COL11A2: variants seen among roughly 807,000 people sequenced by gnomAD.
The protein encoded by COL11A2 is collagen alpha-2(XI) chain.
COL11A2 carries 116 observed loss-of-function variants against 273.4 expected under a neutral mutation model. The ratio of observed to expected loss-of-function variants is 0.42; its 90% CI spans 0.36 to 0.49. COL11A2 has a LOEUF of 0.49. Among genes scored for constraint, COL11A2 ranks in the 20% least tolerant of loss-of-function variants. The probability of loss-of-function intolerance (pLI) is 0.00; values close to 1 mark genes in which losing one functional copy is unlikely to be tolerated. For missense variants in COL11A2, 1,866 were observed against 2,309.0 expected (o/e 0.81, Z 3.93); for synonymous variants, 782 against 864.2 (o/e 0.90, Z 1.67).
At position 33,164,345 on chromosome 6, in the gene COL11A2, C is replaced by T; in HGVS notation, c.4992G>A (p.Leu1664=). The T allele has an allele frequency of 6.2e-7, 1 of 1,612,900 alleles. No individual in the cohort carries two copies. The highest frequency in any genetic ancestry group is 1.1e-5 in the South Asian group (1 of 91,054). The part of the protein sequence containing the change: ...PCSGAARDGP[L]RLRGANEDEL... ...CATCCTCATTGGCCCCACGGAGTCTCAGGGGACCGTCACGGGCTGCTCCAG... is the reference window on the plus strand; with the variant it reads ...CATCCTCATTGGCCCCACGGAGTCTTAGGGGACCGTCACGGGCTGCTCCAG... Residue 1664 remains leucine (L), a synonymous_variant, in exon 65 of 66, where the codon CTG becomes CTA. Transcript: ENST00000341947. This position sits in a 1 kb window ranked among gnomAD's most constrained non-coding sequence, Gnocchi z 4.7.
chr6:33,178,474 G>T lies in COL11A2; in HGVS notation c.1734C>A (p.Ala578=). 1 of 1,612,942 alleles carries T rather than the reference G, an allele frequency of 6.2e-7. No individual in the cohort carries two copies. The highest frequency in any genetic ancestry group is 1.1e-5 in the South Asian group (1 of 91,078). Reference sequence around the variant, plus strand: ...CACCAGGGGGACCAGGAAGGCCCTGGGCACCAGTATCACCCTGCAAAATGG... The same window carrying T: ...CACCAGGGGGACCAGGAAGGCCCTGTGCACCAGTATCACCCTGCAAAATGG... ...GEKGHRGDTG[A]QGLPGPPGED... Residue 578 remains alanine (A), a synonymous_variant, in exon 19 of 66, where the codon GCC becomes GCA. Transcript: ENST00000341947. The surrounding 1 kb of genome is among the most constrained non-coding windows in gnomAD (Gnocchi z 4.6).
rs758188028 is a variant in COL11A2 at position 33,188,970 on chromosome 6, A to T, written c.443+8T>A. The T allele has an allele frequency of 1.2e-6, 2 of 1,614,162 alleles. No homozygotes were observed. The highest frequency in any genetic ancestry group is 1.7e-6 in the Non-Finnish European group (2 of 1,180,008). On this transcript the variant is annotated splice_region_variant and intron_variant, in intron 3 of 65. Coordinates refer to ENST00000341947, the MANE Select transcript of COL11A2 (RefSeq NM_080680.3). ...GGCCAGGCAGACCAGAGGAGCAAACAAACTTACTTGCCATCTGCTAGGCTG... is the reference window on the plus strand; with the variant it reads ...GGCCAGGCAGACCAGAGGAGCAAACTAACTTACTTGCCATCTGCTAGGCTG...
Position 33,177,592 on chromosome 6 carries a change from C to A in COL11A2, c.1917+70G>T, listed in dbSNP as rs2076311. 0.31 allele frequency: 496,887 copies of A among 1,595,442 alleles called. 79,181 individuals carry two copies. The highest frequency in any genetic ancestry group is 0.39 in the South Asian group (35,025 of 90,582). ...AGGAAGCAGGCAGGGGTCAAAATGGCGGCCAACAGGATGCTGGCAGGGACC... is the reference window on the plus strand; with the variant it reads ...AGGAAGCAGGCAGGGGTCAAAATGGAGGCCAACAGGATGCTGGCAGGGACC... On this transcript the variant is annotated intron_variant, in intron 22 of 65. Transcript: ENST00000341947. The surrounding 1 kb of genome is among the most constrained non-coding windows in gnomAD (Gnocchi z 5.9).
At position 33,180,712 on chromosome 6, in the gene COL11A2, CA is replaced by C. The variant is rs1771616625; in HGVS notation, c.1239del (p.Gly414AlafsTer96). 1 of 1,611,176 alleles carries C rather than the reference CA, an allele frequency of 6.2e-7. No homozygotes were observed. Among genetic ancestry groups the C allele is most frequent in the South Asian group, 1.1e-5 (1 of 90,692 alleles). Reference sequence around the variant, plus strand: ...ACTGGGCCTGGGTTCCCCTGGATGCCAGGGGGACCAATCAATCCCTGAGGAA... The same window carrying C: ...ACTGGGCCTGGGTTCCCCTGGATGCCGGGGGACCAATCAATCCCTGAGGAA... ...PEGPAGLIGP[P>X]GIQGNPGPVG... On this transcript the variant is annotated frameshift_variant, in exon 11 of 66. Transcript: ENST00000341947. LOFTEE classifies it high-confidence loss of function.
chr6:33,186,335 A>C, intron 5 of COL11A2: 1 of 1,311,934 alleles, frequency 7.6e-7, no homozygotes, highest in Non-Finnish European at 1.0e-6. Flanking sequence ...CCCCTCTCCC[A>C]CTGTCTCCCA....
Position 33,188,971 on chromosome 6 carries a change from A to T in COL11A2, c.443+7T>A, listed in dbSNP as rs777622690. ...GCCAGGCAGACCAGAGGAGCAAACA[A>T]ACTTACTTGCCATCTGCTAGGCTGA... On this transcript the variant is annotated splice_region_variant and intron_variant, in intron 3 of 65. Coordinates refer to ENST00000341947, the MANE Select transcript of COL11A2 (RefSeq NM_080680.3). 1.2e-6 allele frequency: 2 copies of T among 1,614,146 alleles called. No homozygotes were observed. Among genetic ancestry groups the T allele is most frequent in the Non-Finnish European group, 1.7e-6 (2 of 1,180,008 alleles).
intron 11 of COL11A2, 147 bp downstream of exon 11, chr6:33,180,521 C>T: frequency 1.1e-6 from 1 of 924,078 alleles, no homozygotes; most frequent in South Asian, 1.6e-5. Flanking sequence ...CCAGAGTCTG[C>T]CCTCCTTTCT....
In COL11A2 at chr6:33,173,462, T is replaced by C. The variant is rs370925792; in HGVS notation, c.2682+40A>G. ...TGGAAAGCAGGTAGGGAAGAAGGAC[T>C]CAGAGAAGCGAGGTGGGTCAGAGCT... On this transcript the variant is annotated intron_variant, in intron 36 of 65. Transcript: ENST00000341947. The surrounding 1 kb of genome is among the most constrained non-coding windows in gnomAD (Gnocchi z 6.3). 3.2e-5 allele frequency: 51 copies of C among 1,611,770 alleles called. No homozygotes were observed. Among genetic ancestry groups the C allele is most frequent in the Non-Finnish European group, 4.3e-5 (51 of 1,179,244 alleles).
rs1190658073 is a variant in COL11A2, at chr6:33,178,537, G to A, written c.1720-49C>T. The A allele has an allele frequency of 6.2e-7, 1 of 1,611,586 alleles. No homozygotes were observed. The highest frequency in any genetic ancestry group is 1.1e-5 in the South Asian group (1 of 91,062). ...GAGGGGCTTCAGAGCCCCCAACACA[G>A]GCAGACACCGAACCTCTGCACTTAG... On this transcript the variant is annotated intron_variant, in intron 18 of 65. Coordinates refer to ENST00000341947, the MANE Select transcript of COL11A2 (RefSeq NM_080680.3). This position sits in a 1 kb window ranked among gnomAD's most constrained non-coding sequence, Gnocchi z 4.6.
chr6:33,187,247 A>T (rs964479795), intron 4 of COL11A2, among the ~76,000 whole-genome samples: 1 of 152,220 alleles, frequency 6.6e-6, no homozygotes, highest in Non-Finnish European at 1.5e-5. Flanking sequence ...AATGGCAGTG[A>T]TGATGAGAAT....
In COL11A2 at chr6:33,167,406, C is replaced by T. The variant is rs1159943600; in HGVS notation, c.4122+20G>A. 6.2e-6 allele frequency: 10 copies of T among 1,612,746 alleles called. No homozygotes were observed. Among genetic ancestry groups the T allele is most frequent in the African/African-American group, 2.7e-5 (2 of 75,048 alleles). ...CCCCTCACTCCCACCCCAGCCCAGCCCTTCCCTGCAGTGACTCACCACTGA... is the reference window on the plus strand; with the variant it reads ...CCCCTCACTCCCACCCCAGCCCAGCTCTTCCCTGCAGTGACTCACCACTGA... On this transcript the variant is annotated intron_variant, in intron 56 of 65. Transcript: ENST00000341947. The surrounding 1 kb of genome is among the most constrained non-coding windows in gnomAD (Gnocchi z 6.1).
Position 33,178,009 on chromosome 6 carries a change from G to T in COL11A2, c.1872+123C>A. 1 of 1,069,142 alleles carries T rather than the reference G, an allele frequency of 9.4e-7. No individual in the cohort carries two copies. The highest frequency in any genetic ancestry group is 1.4e-6 in the Non-Finnish European group (1 of 719,626). 66.2% of individuals were successfully genotyped at this position (1,069,142 alleles called of 1,614,324 possible). ...CAGGGCAGTGTGGGGCCAGAGCAGGGGGAGCTCACAGGGAATGGGAAGCAT... is the reference window on the plus strand; with the variant it reads ...CAGGGCAGTGTGGGGCCAGAGCAGGTGGAGCTCACAGGGAATGGGAAGCAT... On this transcript the variant is annotated intron_variant, in intron 21 of 65. Transcript: ENST00000341947. The surrounding 1 kb of genome is among the most constrained non-coding windows in gnomAD (Gnocchi z 4.6).
rs778812481 is a variant in COL11A2, at chr6:33,178,508, A to T, written c.1720-20T>A. 1 of 1,612,924 alleles carries T rather than the reference A, an allele frequency of 6.2e-7. No homozygotes were observed. The highest frequency in any genetic ancestry group is 8.5e-7 in the Non-Finnish European group (1 of 1,179,948). The stretch of plus-strand genomic sequence containing the variant: ...ATCACCCTGCAAAATGGGGGAACTC[A>T]TAAGAGGGGCTTCAGAGCCCCCAAC... On this transcript the variant is annotated intron_variant, in intron 18 of 65. Transcript: ENST00000341947. This position sits in a 1 kb window ranked among gnomAD's most constrained non-coding sequence, Gnocchi z 4.6.
chr6:33,164,444 T>C lies in COL11A2; in HGVS notation c.4893A>G (p.Pro1631=). ...GGAAGGTGAGCTGGACCACACCCACTGGGGAGCCCTCTGAGTCCACGTAAG... is the reference window on the plus strand; with the variant it reads ...GGAAGGTGAGCTGGACCACACCCACCGGGGAGCCCTCTGAGTCCACGTAAG... ...QFSYVDSEGS[P]VGVVQLTFLR... Residue 1631 remains proline, a synonymous_variant, in exon 65 of 66, where the codon CCA becomes CCG. Coordinates refer to ENST00000341947, the MANE Select transcript of COL11A2 (RefSeq NM_080680.3). The surrounding 1 kb of genome is among the most constrained non-coding windows in gnomAD (Gnocchi z 4.7). 2 of 1,575,474 alleles carry C rather than the reference T, an allele frequency of 1.3e-6. No homozygotes were observed. Among genetic ancestry groups the C allele is most frequent in the African/African-American group, 1.4e-5 (1 of 74,040 alleles).
chr6:33,176,413 C>G lies in COL11A2; in HGVS notation c.2169+20G>C. On this transcript the variant is annotated intron_variant, in intron 27 of 65. Coordinates refer to ENST00000341947, the MANE Select transcript of COL11A2 (RefSeq NM_080680.3). The surrounding 1 kb of genome is among the most constrained non-coding windows in gnomAD (Gnocchi z 4.9). ...TCCCCTGACCACAGCCCTTTGTCTC[C>G]CAGCCTGGTGGTCAGTTACCTTGAC... The G allele has an allele frequency of 6.2e-7, 1 of 1,611,902 alleles. No individual in the cohort carries two copies. Among genetic ancestry groups the G allele is most frequent in the Non-Finnish European group, 8.5e-7 (1 of 1,179,520 alleles).
At position 33,176,582 on chromosome 6, in the gene COL11A2, C is replaced by A; in HGVS notation, c.2116-96G>T. On this transcript the variant is annotated intron_variant, in intron 26 of 65. Coordinates refer to ENST00000341947, the MANE Select transcript of COL11A2 (RefSeq NM_080680.3). The surrounding 1 kb of genome is among the most constrained non-coding windows in gnomAD (Gnocchi z 4.9). Reference sequence around the variant, plus strand: ...GAAATGGAAGTAACAACATTGCTGTCTGGGTAGGGTTACGGGGCACAGGAA... The same window carrying A: ...GAAATGGAAGTAACAACATTGCTGTATGGGTAGGGTTACGGGGCACAGGAA... 1 of 1,419,438 alleles carries A rather than the reference C, an allele frequency of 7.0e-7. No individual in the cohort carries two copies. Among genetic ancestry groups the A allele is most frequent in the Admixed American group, 1.8e-5 (1 of 56,426 alleles). 87.9% of individuals were successfully genotyped at this position (1,419,438 alleles called of 1,614,324 possible). A position where few individuals can be genotyped will look rare whatever the true frequency, so the allele number is the denominator to read the frequency against.
At position 33,179,049 on chromosome 6, in the gene COL11A2, C is replaced by T; in HGVS notation, c.1611+24G>A. The T allele has an allele frequency of 6.2e-7, 1 of 1,614,044 alleles. No homozygotes were observed. The highest frequency in any genetic ancestry group is 1.1e-5 in the South Asian group (1 of 91,084). ...CTGCAGGCCCTGTCTCCCCACAACA[C>T]CCATCCACCCCTGGGGCACTCACCC... On this transcript the variant is annotated intron_variant, in intron 16 of 65. Transcript: ENST00000341947. The surrounding 1 kb of genome is among the most constrained non-coding windows in gnomAD (Gnocchi z 6.4).
rs1770387799 is a variant in COL11A2 at position 33,173,258 on chromosome 6, G to A, written c.2736+90C>T. 1.3e-6 allele frequency: 2 copies of A among 1,567,920 alleles called. No homozygotes were observed. The highest frequency in any genetic ancestry group is 2.7e-5 in the African/African-American group (2 of 74,166). ...ACCAGGGCAGGCTCCACTCTGCCAG[G>A]AGAACGTCCCTGTGGGCTTTCCAGA... is the stretch of plus-strand genomic sequence containing the variant. On this transcript the variant is annotated intron_variant, in intron 37 of 65. Transcript: ENST00000341947. This position sits in a 1 kb window ranked among gnomAD's most constrained non-coding sequence, Gnocchi z 6.3.
In COL11A2 at chr6:33,177,145, T is replaced by G. The variant is rs1201219511; in HGVS notation, c.2016+36A>C. 6.2e-7 allele frequency: 1 copy of G among 1,612,928 alleles called. No homozygotes were observed. Among genetic ancestry groups the G allele is most frequent in the South Asian group, 1.1e-5 (1 of 91,082 alleles). Reference sequence around the variant, plus strand: ...TAGGGTTCTCCCTACATCCCCACTCTAAACCCCCTGTCCTCCAAATCACTT... The same window carrying G: ...TAGGGTTCTCCCTACATCCCCACTCGAAACCCCCTGTCCTCCAAATCACTT... On this transcript the variant is annotated intron_variant, in intron 24 of 65. Coordinates refer to ENST00000341947, the MANE Select transcript of COL11A2 (RefSeq NM_080680.3). The surrounding 1 kb of genome is among the most constrained non-coding windows in gnomAD (Gnocchi z 5.9).
Sources: allele counts gnomAD v4.1 joint callset (sites outside exome capture counted in the v4.1 genomes callset), GRCh38; gene constraint gnomAD v4.1.1; non-coding constraint Gnocchi (gnomAD v3.1); transcripts MANE v1.5; gene names NCBI Gene and HGNC (gene_info 2026-07-23, HGNC 2026-07-21).